Variants in UBE3D observed in about 807,000 individuals in gnomAD.
The protein encoded by UBE3D is ubiquitin protein ligase E3D, also known as E3 ubiquitin-protein ligase E3D.
UBE3D carries 48 observed loss-of-function variants against 49.6 expected under a neutral mutation model. The ratio of observed to expected loss-of-function variants is 0.97; its 90% confidence interval spans 0.77 to 1.23. The LOEUF (loss-of-function observed/expected upper bound fraction) is 1.23, where lower values mean the gene tolerates loss of function less well. UBE3D is among the 50% of genes most tolerant of loss of function. The probability of loss-of-function intolerance (pLI) is 0.00; values close to 1 mark genes in which losing one functional copy is unlikely to be tolerated. For synonymous variants in UBE3D, 189 were observed against 174.2 expected, an observed-to-expected ratio of 1.08 and a Z score of -0.67; for missense variants, 452 against 468.4, an observed-to-expected ratio of 0.96 and a Z score of 0.32.
At chr6:82,966,165 A>G (rs1220406117) in intron 8 of UBE3D, among the ~76,000 whole-genome samples, 1 of 152,136 alleles carries the variant, frequency 6.6e-6, no homozygotes, top group Admixed American at 6.5e-5. Flanking sequence ...TGTATGCCAC[A>G]TATTGTTTGA....
intron 8 of UBE3D, among the ~76,000 whole-genome samples, chr6:83,014,598 T>A (rs1780564863): frequency 6.6e-6 from 1 of 152,314 alleles, no homozygotes; most frequent in East Asian, 1.9e-4. Context: ...AATGATGTTT[T>A]GGGTCCCCTG....
intron 4 of UBE3D, among the ~76,000 whole-genome samples, chr6:83,042,837 G>C (rs774094371): frequency 6.6e-6 from 1 of 152,218 alleles, no homozygotes; most frequent in Non-Finnish European, 1.5e-5. Context: ...GTTTTCAATA[G>C]CACAGAACAG....
At chr6:82,912,116 C>T (rs1420954337) in intron 9 of UBE3D, among the ~76,000 whole-genome samples, 2 of 152,146 alleles carry the variant, frequency 1.3e-5, no homozygotes, top group African/African-American at 2.4e-5. Context: ...AACAGAGCTA[C>T]TCATTTGGGC....
At chr6:82,920,942 A>ATTTTTT (rs377206246) in intron 9 of UBE3D, among the ~76,000 whole-genome samples, 2 of 136,796 alleles carry the variant, frequency 1.5e-5, no homozygotes, top group African/African-American at 2.7e-5. Context: ...AAAAATGCTG[A>ATTTTTT]TTTTTTTTTT....
At chr6:83,015,989 G>T (rs1780671452) in intron 8 of UBE3D, among the ~76,000 whole-genome samples, 1 of 152,160 alleles carries the variant, frequency 6.6e-6, no homozygotes, top group Non-Finnish European at 1.5e-5. Context: ...ATTCCAAGTT[G>T]CAGGGTCCCA....
At chr6:83,011,986 T>C (rs921765150) in intron 8 of UBE3D, among the ~76,000 whole-genome samples, 3 of 152,202 alleles carry the variant, frequency 2.0e-5, no homozygotes, top group African/African-American at 7.2e-5. Flanking sequence ...CTGCAAAGTA[T>C]TGTTACCTAC....
chr6:82,900,034 A>C (rs1771614046), intron 9 of UBE3D, among the ~76,000 whole-genome samples: 2 of 152,232 alleles, frequency 1.3e-5, no homozygotes. Context: ...ACACACACTC[A>C]CAAATCAAAA....
the UBE3D span, among the ~76,000 whole-genome samples, chr6:82,882,961 C>T: frequency 6.6e-6 from 1 of 152,094 alleles, no homozygotes; most frequent in Admixed American, 6.6e-5. Context: ...CTGTGTCTGT[C>T]ATCTTTGGAA....
intron 8 of UBE3D, among the ~76,000 whole-genome samples, chr6:82,973,920 G>A (rs1777530318): frequency 6.6e-6 from 1 of 152,054 alleles, no homozygotes; most frequent in Non-Finnish European, 1.5e-5. Flanking sequence ...AGGGATCTAG[G>A]TTGCGCACTC....
chr6:82,980,300 C>A (rs1252728640), intron 8 of UBE3D, among the ~76,000 whole-genome samples: 1 of 152,002 alleles, frequency 6.6e-6, no homozygotes, highest in African/African-American at 2.4e-5. Context: ...AAGATGATAT[C>A]CCATTGTGGC....
intron 8 of UBE3D, among the ~76,000 whole-genome samples, chr6:83,011,042 CAAT>C (rs1030579736): frequency 6.6e-6 from 1 of 152,144 alleles, no homozygotes; most frequent in African/African-American, 2.4e-5. Context: ...CAAATAAAAA[CAAT>C]AATAAGGTCA....
At chr6:82,933,085 T>C (rs1468204572) in intron 9 of UBE3D, among the ~76,000 whole-genome samples, 5 of 151,176 alleles carry the variant, frequency 3.3e-5, no homozygotes, top group African/African-American at 1.2e-4. Context: ...TTTTGGGGGG[T>C]GGGGGAAGAT....
chr6:83,012,455 C>T (rs754479146), intron 8 of UBE3D, among the ~76,000 whole-genome samples: 41 of 152,328 alleles, frequency 2.7e-4, no homozygotes, highest in Non-Finnish European at 1.8e-4. Context: ...TGTTGCTGAG[C>T]CCGTGCATAA....
chr6:83,014,756 G>A (rs955945203), intron 8 of UBE3D, among the ~76,000 whole-genome samples: 1 of 152,172 alleles, frequency 6.6e-6, no homozygotes, highest in African/African-American at 2.4e-5. Context: ...ATTGTCAGTA[G>A]TGTAGAGGGG....
chr6:83,001,641 A>G (rs1486211931), intron 8 of UBE3D, among the ~76,000 whole-genome samples: 2 of 152,192 alleles, frequency 1.3e-5, no homozygotes, highest in African/African-American at 4.8e-5. Context: ...CGGAAGGACT[A>G]CAAGGAAAGG....
chr6:82,901,336 A>T (rs1407244786), intron 9 of UBE3D, among the ~76,000 whole-genome samples: 1 of 151,696 alleles, frequency 6.6e-6, no homozygotes, highest in African/African-American at 2.4e-5. Context: ...GGTGGTATTG[A>T]CTGACAGTCC....
intron 5 of UBE3D, among the ~76,000 whole-genome samples, chr6:83,034,954 G>C (rs1218327138): frequency 6.6e-6 from 1 of 152,128 alleles, no homozygotes. Context: ...GGCTGAGGCA[G>C]GAGGATCACT....
At chr6:83,053,664 A>AT (rs1299574533) in intron 3 of UBE3D, among the ~76,000 whole-genome samples, 1 of 152,256 alleles carries the variant, frequency 6.6e-6, no homozygotes, top group Non-Finnish European at 1.5e-5. Flanking sequence ...TAACCTAATC[A>AT]TTGACAAAAG....
intron 8 of UBE3D, among the ~76,000 whole-genome samples, chr6:82,977,664 C>G (rs932726406): frequency 3.9e-5 from 6 of 152,108 alleles, no homozygotes; most frequent in Admixed American, 2.6e-4. Flanking sequence ...ATGGTGAAAC[C>G]CTGTATCTAC....
Sources: gnomAD v4.1 joint callset for allele counts (sites outside exome capture counted in the v4.1 genomes callset) on GRCh38, gnomAD v4.1.1 for gene constraint, MANE v1.5 for transcripts, NCBI Gene and HGNC (gene_info 2026-07-23, HGNC 2026-07-21) for gene names.